The following KDM2A variants were observed in gnomAD, a reference collection of about 807,000 sequenced individuals.
KDM2A encodes the protein lysine demethylase 2A.
KDM2A carries 3 observed loss-of-function variants against 137.3 expected under a neutral mutation model. The observed-to-expected ratio is 0.02, with a 90% CI of 0.01 to 0.06. The LOEUF is 0.06. Among genes scored for constraint, KDM2A ranks in the 10% least tolerant of loss-of-function variants. The pLI, the probability that KDM2A is intolerant of heterozygous loss-of-function variation, is 1.00. For missense variants in KDM2A, 738 were observed against 1,510.6 expected, an observed-to-expected ratio of 0.49 and a Z score of 8.48; for synonymous variants, 512 against 541.5, an observed-to-expected ratio of 0.95 and a Z score of 0.76.
At position 67,245,658 on chromosome 11, in the gene KDM2A, C is replaced by T. The variant is rs1859182884; in HGVS notation, c.1833+200C>T. On this transcript the variant is annotated intron_variant, in intron 14 of 20. Coordinates refer to ENST00000529006, the MANE Select transcript of KDM2A (RefSeq NM_012308.3). The surrounding 1 kb of genome is among the most constrained non-coding windows in gnomAD (Gnocchi z 4.1). ...CTAAAAATCCGATTTAATCTTTAGG[C>T]TTTACCTAATTTTCAAACAAGAGAT... The T allele has an allele frequency of 1.6e-6, 1 of 640,128 alleles. No individual in the cohort carries two copies. The highest frequency in any genetic ancestry group is 1.8e-5 in the African/African-American group (1 of 54,722). The allele number at this position is 640,128 out of a possible 1,614,324, so 39.7% of individuals were successfully genotyped here.
At chr11:67,213,267 T>C (rs1299017613) in intron 6 of KDM2A, among the ~76,000 whole-genome samples, 1 of 152,196 alleles carries the variant, frequency 6.6e-6, no homozygotes, top group Non-Finnish European at 1.5e-5. Context: ...GCTTACCAGA[T>C]ACATGTTTTT....
intron 2 of KDM2A, among the ~76,000 whole-genome samples, chr11:67,172,337 A>G (rs1856895984): frequency 6.6e-6 from 1 of 152,158 alleles, no homozygotes; most frequent in South Asian, 2.1e-4. Flanking sequence ...TGTGATTTTG[A>G]TAAGAATTGC....
At chr11:67,240,087 C>T in intron 12 of KDM2A, 1 of 1,371,896 alleles carries the variant, frequency 7.3e-7, no homozygotes, top group Non-Finnish European at 9.4e-7. Context: ...GGTGACGCAG[C>T]AGCATTGTTC....
chr11:67,122,628 C>T (rs2136275111), intron 2 of KDM2A, among the ~76,000 whole-genome samples: 1 of 147,980 alleles, frequency 6.8e-6, no homozygotes, highest in South Asian at 2.1e-4. Context: ...TGGCCATGGC[C>T]TATTTTTTAT....
chr11:67,181,991 A>G, intron 5 of KDM2A, 99 bp downstream of exon 5: 1 of 975,270 alleles, frequency 1.0e-6, no homozygotes, highest in Non-Finnish European at 1.6e-6. Flanking sequence ...GGAACATTGA[A>G]GTATATATTT....
In KDM2A at chr11:67,245,522, ATATAG is replaced by A; in HGVS notation, c.1833+66_1833+70del. On this transcript the variant is annotated intron_variant, in intron 14 of 20. Transcript: ENST00000529006. This position sits in a 1 kb window ranked among gnomAD's most constrained non-coding sequence, Gnocchi z 4.1. The stretch of plus-strand genomic sequence containing the variant: ...GGCAGTGCCAAAGGAACTGAAATAC[ATATAG>A]TGTAGAGTTAAAGAGACTTCAGAGT... The A allele has an allele frequency of 6.4e-7, 1 of 1,556,576 alleles. No homozygotes were observed. The highest frequency in any genetic ancestry group is 2.3e-4 in the Middle Eastern group (1 of 4,408).
intron 10 of KDM2A, among the ~76,000 whole-genome samples, chr11:67,222,015 A>G (rs964388072): frequency 6.6e-6 from 1 of 150,812 alleles, no homozygotes; most frequent in African/African-American, 2.4e-5. Context: ...AAGAAAAAAA[A>G]TGTATAATTC....
At chr11:67,180,298 TC>T in intron 3 of KDM2A, 81 bp downstream of exon 3, 1 of 1,425,562 alleles carries the variant, frequency 7.0e-7, no homozygotes, top group Non-Finnish European at 9.5e-7. Context: ...TTAGCCTTTA[TC>T]CAGCTAAAAT....
At chr11:67,222,805 G>A (rs1210484624) in intron 10 of KDM2A, among the ~76,000 whole-genome samples, 1 of 149,414 alleles carries the variant, frequency 6.7e-6, no homozygotes, top group African/African-American at 2.5e-5. Flanking sequence ...TCAGTTTCAG[G>A]GAAGAAAAGG....
chr11:67,165,596 T>C (rs1856722957), intron 2 of KDM2A, among the ~76,000 whole-genome samples: 1 of 152,198 alleles, frequency 6.6e-6, no homozygotes, highest in Non-Finnish European at 1.5e-5. Context: ...AAGGATCATG[T>C]AGGAAAGCTT....
chr11:67,171,160 A>C (rs1400689678), intron 2 of KDM2A, among the ~76,000 whole-genome samples: 1 of 152,200 alleles, frequency 6.6e-6, no homozygotes, highest in Admixed American at 6.5e-5. Flanking sequence ...TCCTGAAAAA[A>C]TAGCCTTTAA....
intron 2 of KDM2A, among the ~76,000 whole-genome samples, chr11:67,156,668 G>A (rs1043035767): frequency 1.2e-4 from 18 of 148,602 alleles, no homozygotes; most frequent in Non-Finnish European, 2.7e-4. Flanking sequence ...GCAGTGAGCC[G>A]AGATGGCGCC....
intron 10 of KDM2A, among the ~76,000 whole-genome samples, chr11:67,226,056 A>C (rs1159862958): frequency 1.3e-5 from 2 of 151,462 alleles, no homozygotes; most frequent in Non-Finnish European, 2.9e-5. Context: ...CAAGAACAAA[A>C]CTGTGTCAAA....
chr11:67,226,742 T>A (rs1302185812), intron 10 of KDM2A, among the ~76,000 whole-genome samples: 2 of 151,960 alleles, frequency 1.3e-5, no homozygotes, highest in Non-Finnish European at 2.9e-5. Flanking sequence ...CGAAAATCAA[T>A]CAGATTTCCT....
At chr11:67,202,413 C>G (rs904469846) in intron 5 of KDM2A, among the ~76,000 whole-genome samples, 1 of 152,144 alleles carries the variant, frequency 6.6e-6, no homozygotes, top group African/African-American at 2.4e-5. Context: ...GCATTGCATG[C>G]TACAGAGAAG....
chr11:67,211,531 T>A (rs1350588670), intron 6 of KDM2A, among the ~76,000 whole-genome samples: 2 of 142,980 alleles, frequency 1.4e-5, no homozygotes, highest in African/African-American at 5.2e-5. Context: ...GGAGAATCGC[T>A]TGAAACCAGG....
At chr11:67,228,191 A>G in intron 11 of KDM2A, 28 bp downstream of exon 11, 1 of 1,611,644 alleles carries the variant, frequency 6.2e-7, no homozygotes, top group South Asian at 1.1e-5. Flanking sequence ...AGGAGCTTTG[A>G]AGACACCGCT....
chr11:67,217,629 T>C, intron 8 of KDM2A, 102 bp from the exon 9 acceptor site: 2 of 1,202,908 alleles, frequency 1.7e-6, no homozygotes, highest in Admixed American at 2.1e-5. Flanking sequence ...TGCTTGCCTT[T>C]CTTCTACCTG....
intron 3 of KDM2A, among the ~76,000 whole-genome samples, chr11:67,180,896 A>AG (rs1429562042): frequency 6.7e-6 from 1 of 149,848 alleles, no homozygotes; most frequent in African/African-American, 2.5e-5. Context: ...TCCTGACCTG[A>AG]GGTGATCTGC....
Sources: allele counts gnomAD v4.1 joint callset (sites outside exome capture counted in the v4.1 genomes callset), GRCh38; gene constraint gnomAD v4.1.1; non-coding constraint Gnocchi (gnomAD v3.1); transcripts MANE v1.5; gene names NCBI Gene and HGNC (gene_info 2026-07-23, HGNC 2026-07-21).